The following TMEM63C variants were observed in gnomAD, a reference collection of about 807,000 sequenced individuals.
The protein encoded by TMEM63C is transmembrane protein 63C, also known as osmosensitive cation channel TMEM63C.
In TMEM63C, 32 loss-of-function variants were observed where a neutral mutation model predicts 99.2. That is an observed-to-expected ratio of 0.32 (90% CI 0.24 to 0.43). TMEM63C has a LOEUF of 0.43. Ranked by LOEUF, TMEM63C falls within the 20% of genes least tolerant of loss-of-function variation. TMEM63C has a pLI of 1.00. For synonymous variants in TMEM63C, 376 were observed against 397.9 expected (o/e 0.94, Z 0.66); for missense variants, 826 against 1,053.0 (o/e 0.78, Z 2.98).
intron 1 of TMEM63C, among the ~76,000 whole-genome samples, chr14:77,198,681 A>G (rs988121482): frequency 1.3e-5 from 2 of 152,206 alleles, no homozygotes; most frequent in Non-Finnish European, 2.9e-5. Flanking sequence ...CCGCTCTGAG[A>G]TACAGGAAAA....
At chr14:77,239,301 C>T in intron 10 of TMEM63C, 111 bp from the exon 11 acceptor site, 1 of 1,033,110 alleles carries the variant, frequency 9.7e-7, no homozygotes, top group Non-Finnish European at 1.5e-6. Flanking sequence ...CATCCAGGAA[C>T]ACCAGGCAGC....
chr14:77,194,823 C>T (rs1337035117), intron 1 of TMEM63C, among the ~76,000 whole-genome samples: 2 of 151,660 alleles, frequency 1.3e-5, no homozygotes, highest in East Asian at 1.9e-4. Flanking sequence ...CTCAAGTGAA[C>T]CTCCCACCTC....
At chr14:77,224,454 T>C (rs1888781943) in intron 5 of TMEM63C, among the ~76,000 whole-genome samples, 1 of 152,094 alleles carries the variant, frequency 6.6e-6, no homozygotes, top group Non-Finnish European at 1.5e-5. Flanking sequence ...AATCTAGAGC[T>C]GTAACCTTGT....
chr14:77,223,456 C>T (rs1034597314), intron 5 of TMEM63C, among the ~76,000 whole-genome samples: 1 of 152,110 alleles, frequency 6.6e-6, no homozygotes, highest in Admixed American at 6.5e-5. Context: ...GGTACTGTTA[C>T]CCCCAGGTGG....
At position 77,195,899 on chromosome 14, in the gene TMEM63C, C is replaced by T. The variant is rs1289950449; in HGVS notation, c.-77+14005C>T. On this transcript the variant is annotated intron_variant, in intron 1 of 23. Transcript: ENST00000298351. ...GGTCATGGATGCTTCCGGAGTACCC[C>T]TCACCCCATCACAGCTCCCCAAGGC... Among the ~76,000 whole-genome samples, 7 of 152,222 alleles carry T rather than the reference C, an allele frequency of 4.6e-5. No individual in the cohort carries two copies. The East Asian group carries it at 5.8e-4, about 13-fold the overall frequency.
intron 2 of TMEM63C, among the ~76,000 whole-genome samples, chr14:77,215,614 A>AGAAAAAGAAAAG (rs1555347249): frequency 1.3e-5 from 1 of 76,528 alleles, no homozygotes; most frequent in African/African-American, 5.6e-5. Flanking sequence ...AAAAAAAAAA[A>AGAAAAAGAAAAG]AAAAGAAAAG....
At chr14:77,247,304 G>A (rs892876233) in intron 18 of TMEM63C, among the ~76,000 whole-genome samples, 7 of 151,954 alleles carry the variant, frequency 4.6e-5, no homozygotes, top group Non-Finnish European at 8.8e-5. Flanking sequence ...AAGTTCAAGC[G>A]ATTCTCCCAC....
chr14:77,223,399 G>C (rs969027414), intron 5 of TMEM63C, among the ~76,000 whole-genome samples: 1 of 152,132 alleles, frequency 6.6e-6, no homozygotes, highest in African/African-American at 2.4e-5. Flanking sequence ...AGGTGGTGTG[G>C]GTGAAGAAAA....
intron 2 of TMEM63C, among the ~76,000 whole-genome samples, chr14:77,214,443 G>A (rs1888546705): frequency 6.6e-6 from 1 of 152,002 alleles, no homozygotes; most frequent in Non-Finnish European, 1.5e-5. Context: ...CCCCAGTCCA[G>A]CTTCCCTTTC....
intron 1 of TMEM63C, among the ~76,000 whole-genome samples, chr14:77,202,988 A>G (rs1396484216): frequency 6.6e-6 from 1 of 152,176 alleles, no homozygotes; most frequent in Non-Finnish European, 1.5e-5. Flanking sequence ...CCACATCCTT[A>G]TTACAACACT....
chr14:77,205,066 T>C (rs1888371557), intron 1 of TMEM63C, among the ~76,000 whole-genome samples: 1 of 151,990 alleles, frequency 6.6e-6, no homozygotes, highest in South Asian at 2.1e-4. Context: ...ATGAATCAAG[T>C]AATGGGAGAG....
intron 1 of TMEM63C, among the ~76,000 whole-genome samples, chr14:77,189,513 A>G (rs1888065712): frequency 6.6e-6 from 1 of 152,226 alleles, no homozygotes; most frequent in South Asian, 2.1e-4. Context: ...TCATGTGTGT[A>G]GTGCCTTGGA....
At chr14:77,230,003 C>T (rs1412512640) in intron 6 of TMEM63C, among the ~76,000 whole-genome samples, 3 of 151,906 alleles carry the variant, frequency 2.0e-5, no homozygotes, top group Non-Finnish European at 4.4e-5. Flanking sequence ...AGATCAAGAT[C>T]ATCCTGGTCA....
intron 6 of TMEM63C, among the ~76,000 whole-genome samples, chr14:77,230,266 C>G (rs1413124682): frequency 6.6e-6 from 1 of 152,110 alleles, no homozygotes; most frequent in Non-Finnish European, 1.5e-5. Context: ...TCATCCTGAT[C>G]CACAACTAGA....
In TMEM63C at chr14:77,220,175, T is replaced by C. The variant is rs946911939; in HGVS notation, c.312+88T>C. 6 of 1,285,822 alleles carry C rather than the reference T, an allele frequency of 4.7e-6. No individual in the cohort carries two copies. The African/African-American group carries it at 7.4e-5, about 16-fold the overall frequency. 79.7% of individuals were successfully genotyped at this position (1,285,822 alleles called of 1,614,324 possible). A position where few individuals can be genotyped will look rare whatever the true frequency, so the allele number is the denominator to read the frequency against. Reference sequence around the variant, plus strand: ...CACAGGAAGAAACACGGCTTAGACCTTGGGGCTTTGTAATCAGCCAGCCTC... The same window carrying C: ...CACAGGAAGAAACACGGCTTAGACCCTGGGGCTTTGTAATCAGCCAGCCTC... On this transcript the variant is annotated intron_variant, in intron 5 of 23. Transcript: ENST00000298351.
intron 6 of TMEM63C, 22 bp downstream of exon 6, chr14:77,225,483 G>C: frequency 6.2e-7 from 1 of 1,612,154 alleles, no homozygotes; most frequent in Non-Finnish European, 8.5e-7. Context: ...GGCTCTGTGA[G>C]CTTGTGACCG....
intron 2 of TMEM63C, among the ~76,000 whole-genome samples, chr14:77,216,665 A>C: frequency 6.6e-6 from 1 of 151,024 alleles, no homozygotes; most frequent in African/African-American, 2.4e-5. Context: ...GTCATCCTCG[A>C]CTCCTCTCAC....
At chr14:77,187,994 C>T (rs572118420) in intron 1 of TMEM63C, among the ~76,000 whole-genome samples, 1 of 152,296 alleles carries the variant, frequency 6.6e-6, no homozygotes, top group East Asian at 1.9e-4. Context: ...AATACACATG[C>T]CTGGCTTTTC....
intron 1 of TMEM63C, among the ~76,000 whole-genome samples, chr14:77,194,553 C>CTTTCTTTTTTTCTTTT (rs56115104): frequency 8.0e-6 from 1 of 125,046 alleles, no homozygotes; most frequent in African/African-American, 3.2e-5. Context: ...TTCTTTCTTT[C>CTTTCTTTTTTTCTTTT]TCTTTCTTTC....
Sources: gnomAD v4.1 joint callset for allele counts (sites outside exome capture counted in the v4.1 genomes callset) on GRCh38, gnomAD v4.1.1 for gene constraint, MANE v1.5 for transcripts, NCBI Gene and HGNC (gene_info 2026-07-23, HGNC 2026-07-21) for gene names.